The following CCDC178 variants were observed in gnomAD, a reference collection of about 807,000 sequenced individuals.
CCDC178 encodes coiled-coil domain-containing protein 178.
Under a neutral mutation model 117.4 loss-of-function variants are expected in CCDC178, and 126 were observed. The ratio of observed to expected loss-of-function variants is 1.07; its 90% CI spans 0.93 to 1.24. The LOEUF (loss-of-function observed/expected upper bound fraction) is 1.24, where lower values mean the gene tolerates loss of function less well. CCDC178 is among the 50% of genes most tolerant of loss of function. The pLI is 0.00. For synonymous variants in CCDC178, 283 were observed against 313.4 expected (o/e 0.90, Z 1.02); for missense variants, 1,030 against 986.9 (o/e 1.04, Z -0.59).
chr18:33,305,442 A>G (rs1410505784), intron 11 of CCDC178, among the ~76,000 whole-genome samples: 1 of 152,158 alleles, frequency 6.6e-6, no homozygotes, highest in African/African-American at 2.4e-5. Flanking sequence ...TCCTGTACTC[A>G]GTAGAGGTCC....
At chr18:33,044,859 T>C (rs2056613937) in intron 21 of CCDC178, among the ~76,000 whole-genome samples, 1 of 152,050 alleles carries the variant, frequency 6.6e-6, no homozygotes, top group African/African-American at 2.4e-5. Context: ...TGAAATAATG[T>C]CTTTTGCAGC....
rs11314965 is a variant in CCDC178 at position 33,293,496 on chromosome 18, CAA to C, written c.1023-186_1023-185del. On this transcript the variant is annotated intron_variant, in intron 11 of 22. Transcript: ENST00000383096. ...GCAACATGGAGAGACAATGCCTTTA[CAA>C]AAAAAAAAAATTGAAAATTAGCCGA... Among the ~76,000 whole-genome samples, 408 of 147,990 alleles carry C rather than the reference CAA, an allele frequency of 2.8e-3. 2 individuals carry two copies. Among genetic ancestry groups the C allele is most frequent in the Non-Finnish European group, 5.0e-3 (336 of 66,880 alleles).
At position 33,121,736 on chromosome 18, in the gene CCDC178, T is replaced by C. The variant is rs578044673; in HGVS notation, c.2239-28826A>G. On this transcript the variant is annotated intron_variant, in intron 20 of 22. Coordinates refer to ENST00000383096, the MANE Select transcript of CCDC178 (RefSeq NM_001105528.4). ...TCACTTAACCTCTCTGAACTTCATT[T>C]ATTTCTTCTGCATTTCAGGAACCTT... 9.1e-4 allele frequency among the ~76,000 whole-genome samples: 139 copies of C among 152,248 alleles called. 4 individuals carry two copies. The South Asian group carries it at 0.016, about 17-fold the overall frequency.
At chr18:33,261,081 C>CTGTT (rs10687374) in intron 14 of CCDC178, among the ~76,000 whole-genome samples, 117,923 of 149,314 alleles carry the variant, frequency 0.79, 48,351 homozygotes, top group South Asian at 0.92. Context: ...TTTTTTTTTT[C>CTGTT]TGTTTGTTTG....
rs7227723 is a variant in CCDC178, at chr18:33,084,755, G to C, written c.2388+8006C>G. Among the ~76,000 whole-genome samples the C allele has an allele frequency of 8.3e-3, 1,249 of 151,368 alleles. 17 individuals carry two copies. Among genetic ancestry groups the C allele is most frequent in the African/African-American group, 0.028 (1,171 of 41,152 alleles). ...TGAACCCAGAGGAGGAGGTTGCAGT[G>C]AGCCGAGATTGCGCCACTGCACTCC... On this transcript the variant is annotated intron_variant, in intron 21 of 22. Coordinates refer to ENST00000383096, the MANE Select transcript of CCDC178 (RefSeq NM_001105528.4).
intron 20 of CCDC178, among the ~76,000 whole-genome samples, chr18:33,200,198 T>C (rs150173599): frequency 4.1e-4 from 62 of 152,334 alleles, no homozygotes; most frequent in Admixed American, 1.2e-3. Context: ...ATGGAATGCA[T>C]AGAAAAAGAA....
rs1035576428 is a variant in CCDC178, at chr18:33,288,906, T to A, written c.1176+4253A>T. Among the ~76,000 whole-genome samples, 9 of 152,216 alleles carry A rather than the reference T, an allele frequency of 5.9e-5. No individual in the cohort carries two copies. The East Asian group carries it at 1.5e-3, about 26-fold the overall frequency. Reference sequence around the variant, plus strand: ...TCTGTTGTCCTGAGGTTGTTTCAGGTGGTTAGAGTATAGAGTCAGAGGGAA... The same window carrying A: ...TCTGTTGTCCTGAGGTTGTTTCAGGAGGTTAGAGTATAGAGTCAGAGGGAA... On this transcript the variant is annotated intron_variant, in intron 12 of 22. Transcript: ENST00000383096.
At chr18:33,051,597 C>T (rs2056748946) in intron 21 of CCDC178, among the ~76,000 whole-genome samples, 1 of 152,164 alleles carries the variant, frequency 6.6e-6, no homozygotes, top group Admixed American at 6.5e-5. Flanking sequence ...AATTTGGATA[C>T]ACTTGACTAA....
At chr18:33,201,039 C>A (rs1801353548) in intron 20 of CCDC178, among the ~76,000 whole-genome samples, 1 of 152,186 alleles carries the variant, frequency 6.6e-6, no homozygotes, top group African/African-American at 2.4e-5. Context: ...ATTTGGACTT[C>A]CATTCAGCAA....
chr18:33,023,227 A>G (rs1709205192), intron 21 of CCDC178, among the ~76,000 whole-genome samples: 2 of 152,132 alleles, frequency 1.3e-5, no homozygotes, highest in Non-Finnish European at 2.9e-5. Flanking sequence ...TCATCAATCA[A>G]CAGGGTTTAA....
intron 21 of CCDC178, among the ~76,000 whole-genome samples, chr18:32,995,258 A>C (rs1486252314): frequency 6.6e-6 from 1 of 152,234 alleles, no homozygotes; most frequent in Non-Finnish European, 1.5e-5. Flanking sequence ...TAGAAGTTGA[A>C]TCTCTTAATG....
chr18:33,102,820 T>C (rs958195968), intron 20 of CCDC178, among the ~76,000 whole-genome samples: 2 of 151,884 alleles, frequency 1.3e-5, no homozygotes, highest in Non-Finnish European at 2.9e-5. Context: ...AAGCCAACTA[T>C]GGCTCTCCAG....
chr18:33,415,261 T>C (rs563798434), intron 2 of CCDC178, among the ~76,000 whole-genome samples: 4 of 152,300 alleles, frequency 2.6e-5, no homozygotes, highest in Admixed American at 2.0e-4. Context: ...CGTATGTTTA[T>C]TGCGGCACTA....
chr18:33,093,453 C>A (rs1224968980), intron 20 of CCDC178, among the ~76,000 whole-genome samples: 1 of 151,968 alleles, frequency 6.6e-6, no homozygotes, highest in African/African-American at 2.4e-5. Context: ...AAGCACCCAG[C>A]ATCATTGTTT....
At chr18:32,974,812 C>A in intron 21 of CCDC178, 131 bp from the exon 22 acceptor site, 2 of 814,918 alleles carry the variant, frequency 2.5e-6, no homozygotes, top group African/African-American at 1.7e-5. Flanking sequence ...ACGGACCTGA[C>A]AGGAATTTCA....
intron 20 of CCDC178, among the ~76,000 whole-genome samples, chr18:33,164,805 A>G (rs1199254445): frequency 6.6e-6 from 1 of 152,152 alleles, no homozygotes; most frequent in Non-Finnish European, 1.5e-5. Flanking sequence ...ATAATTGTGG[A>G]TATTTTTCTT....
At chr18:33,034,212 C>T (rs1279069904) in intron 21 of CCDC178, among the ~76,000 whole-genome samples, 1 of 151,936 alleles carries the variant, frequency 6.6e-6, no homozygotes, top group African/African-American at 2.4e-5. Context: ...AGCATCCTTA[C>T]AGACACCTTC....
chr18:33,025,327 C>T (rs555853269), intron 21 of CCDC178, among the ~76,000 whole-genome samples: 2 of 152,174 alleles, frequency 1.3e-5, no homozygotes, highest in Admixed American at 1.3e-4. Flanking sequence ...TCTTTGGGAT[C>T]TAGAGGTAGG....
intron 21 of CCDC178, among the ~76,000 whole-genome samples, chr18:32,988,118 T>TAATAATAATAATAATCATAATAAA (rs1320760752): frequency 6.0e-5 from 8 of 132,860 alleles, no homozygotes; most frequent in African/African-American, 2.3e-4. Flanking sequence ...ATAATAATAA[T>TAATAATAATAATAATCATAATAAA]AAATTTATCA....
Sources: gnomAD v4.1 joint callset for allele counts (sites outside exome capture counted in the v4.1 genomes callset) on GRCh38, gnomAD v4.1.1 for gene constraint, MANE v1.5 for transcripts, NCBI Gene and HGNC (gene_info 2026-07-23, HGNC 2026-07-21) for gene names.